Variants in SNCAIP observed in about 807,000 individuals in gnomAD.
SNCAIP encodes synphilin-1.
In SNCAIP, 43 loss-of-function variants were observed where a neutral mutation model predicts 86.7. The observed-to-expected ratio is 0.50, with a 90% CI of 0.39 to 0.64. The LOEUF is 0.64. Ranked by LOEUF, SNCAIP falls within the 30% of genes least tolerant of loss-of-function variation. The probability of loss-of-function intolerance (pLI) is 0.00; values close to 1 mark genes in which losing one functional copy is unlikely to be tolerated. For synonymous variants in SNCAIP, 417 were observed against 427.2 expected, an observed-to-expected ratio of 0.98 and a Z score of 0.29; for missense variants, 981 against 1,103.1, an observed-to-expected ratio of 0.89 and a Z score of 1.57.
chr5:122,381,539 A>G (rs1430371130), intron 1 of SNCAIP, among the ~76,000 whole-genome samples: 2 of 147,238 alleles, frequency 1.4e-5, no homozygotes, highest in Admixed American at 6.8e-5. Context: ...TAGTCCATTT[A>G]CATTTAAAGT....
At chr5:122,313,608 G>A (rs1751106922) in intron 1 of SNCAIP, among the ~76,000 whole-genome samples, 1 of 152,234 alleles carries the variant, frequency 6.6e-6, no homozygotes, top group Admixed American at 6.5e-5. Flanking sequence ...AAAGAACAAG[G>A]TGTAGGAAAG....
Position 122,444,543 on chromosome 5 carries a change from T to C in SNCAIP, c.1423-20T>C, listed in dbSNP as rs758275695. 2 of 1,610,598 alleles carry C rather than the reference T, an allele frequency of 1.2e-6. No homozygotes were observed. Among genetic ancestry groups the C allele is most frequent in the East Asian group, 2.2e-5 (1 of 44,862 alleles). On this transcript the variant is annotated intron_variant, in intron 7 of 10. Transcript: ENST00000261368. ...GTGTACAGAGATGTCCTGATACACA[T>C]GTCCTTCATTTTCTGACAGACCTTG...
At chr5:122,390,260 C>G (rs528511966) in intron 1 of SNCAIP, among the ~76,000 whole-genome samples, 2 of 152,116 alleles carry the variant, frequency 1.3e-5, no homozygotes, top group African/African-American at 2.4e-5. Flanking sequence ...CACACCAAGG[C>G]GCTGTCAGGA....
chr5:122,407,167 TAGAG>T (rs1041966431), intron 3 of SNCAIP, among the ~76,000 whole-genome samples: 10 of 152,114 alleles, frequency 6.6e-5, no homozygotes, highest in African/African-American at 2.2e-4. Context: ...TCACCACAGA[TAGAG>T]AGAAGAGGCA....
chr5:122,343,526 G>T (rs1048932051), intron 1 of SNCAIP, among the ~76,000 whole-genome samples: 2 of 152,238 alleles, frequency 1.3e-5, no homozygotes, highest in Admixed American at 1.3e-4. Context: ...TGCTTTCATG[G>T]ATCACTGAGA....
At chr5:122,451,697 T>G in intron 10 of SNCAIP, 96 bp downstream of exon 10, 10 of 908,556 alleles carry the variant, frequency 1.1e-5, no homozygotes, top group South Asian at 1.6e-5. Flanking sequence ...CTTGAGGGAA[T>G]CCCCAGGAAA....
At chr5:122,413,364 T>G (rs1774547973) in intron 3 of SNCAIP, among the ~76,000 whole-genome samples, 1 of 152,176 alleles carries the variant, frequency 6.6e-6, no homozygotes, top group Non-Finnish European at 1.5e-5. Context: ...CAGATCTTCA[T>G]AAAATTATCT....
intron 3 of SNCAIP, among the ~76,000 whole-genome samples, chr5:122,417,734 C>T (rs1775608239): frequency 6.6e-6 from 1 of 152,010 alleles, no homozygotes; most frequent in Admixed American, 6.6e-5. Context: ...CCTTCCCTCC[C>T]CACCTCCCCT....
intron 1 of SNCAIP, among the ~76,000 whole-genome samples, chr5:122,333,496 A>C (rs1401307941): frequency 6.6e-6 from 1 of 152,236 alleles, no homozygotes; most frequent in African/African-American, 2.4e-5. Context: ...GCTCTGAAGA[A>C]TCTCAGGAAT....
intron 1 of SNCAIP, among the ~76,000 whole-genome samples, chr5:122,355,918 A>G (rs777199334): frequency 8.5e-5 from 13 of 152,152 alleles, no homozygotes; most frequent in Non-Finnish European, 1.5e-4. Flanking sequence ...AACAGCACTT[A>G]TAGTGAGGGA....
intron 1 of SNCAIP, among the ~76,000 whole-genome samples, chr5:122,343,674 C>T (rs1196679449): frequency 1.3e-5 from 2 of 152,206 alleles, no homozygotes; most frequent in Non-Finnish European, 2.9e-5. Flanking sequence ...GACCTCGGTC[C>T]TACTGACCCT....
intron 1 of SNCAIP, among the ~76,000 whole-genome samples, chr5:122,313,901 G>A (rs1203700040): frequency 6.6e-6 from 1 of 152,208 alleles, no homozygotes; most frequent in African/African-American, 2.4e-5. Context: ...GGACACCTCA[G>A]TTAGAAATAA....
intron 10 of SNCAIP, chr5:122,454,340 A>G (rs898921248): frequency 6.6e-6 from 1 of 152,644 alleles, no homozygotes; most frequent in Non-Finnish European, 1.5e-5. Context: ...GGATGCCCCT[A>G]GGGGGCTCAT....
intron 1 of SNCAIP, chr5:122,389,427 C>G (rs763279601): frequency 1.3e-5 from 2 of 152,114 alleles, no homozygotes; most frequent in Non-Finnish European, 2.9e-5. Flanking sequence ...AAGAAAGTCT[C>G]CTAGTGAACA....
Position 122,351,536 on chromosome 5 carries a change from CAAAAAAAAAA to C in SNCAIP, c.-47+39273_-47+39282del, listed in dbSNP as rs541191012. On this transcript the variant is annotated intron_variant, in intron 1 of 10. Coordinates refer to ENST00000261368, the MANE Select transcript of SNCAIP (RefSeq NM_005460.4). ...TGGGCAACAGAGTGAGACTCTGTAT[CAAAAAAAAAA>C]AAAAAAAAAAAAAAAAAAAAGAACT... is the stretch of plus-strand genomic sequence containing the variant. 2.2e-3 allele frequency among the ~76,000 whole-genome samples: 82 copies of C among 36,512 alleles called. 2 individuals are homozygous for C. The highest frequency in any genetic ancestry group is 3.7e-3 in the South Asian group (2 of 540). The allele number at this position is 36,512 out of a possible 152,430, so 24.0% of individuals were successfully genotyped here.
At chr5:122,330,736 T>A (rs2152695255) in intron 1 of SNCAIP, among the ~76,000 whole-genome samples, 1 of 152,186 alleles carries the variant, frequency 6.6e-6, no homozygotes, top group East Asian at 1.9e-4. Flanking sequence ...GGAAGACAAT[T>A]TTTCCATAGT....
intron 1 of SNCAIP, among the ~76,000 whole-genome samples, chr5:122,342,656 A>G (rs145933455): frequency 2.0e-5 from 3 of 152,132 alleles, no homozygotes; most frequent in Non-Finnish European, 4.4e-5. Context: ...GAACTTGCCT[A>G]TGTTATTCTT....
intron 1 of SNCAIP, among the ~76,000 whole-genome samples, chr5:122,390,295 C>T (rs1665332886): frequency 6.6e-6 from 1 of 152,156 alleles, no homozygotes; most frequent in Non-Finnish European, 1.5e-5. Flanking sequence ...CTCTTGACAT[C>T]TGTAGGTGCC....
intron 1 of SNCAIP, among the ~76,000 whole-genome samples, chr5:122,339,907 A>C (rs998433624): frequency 6.6e-6 from 1 of 152,200 alleles, no homozygotes; most frequent in Non-Finnish European, 1.5e-5. Flanking sequence ...AAGATGAATG[A>C]GAATGGAAAA....
Sources: gnomAD v4.1 joint callset for allele counts (sites outside exome capture counted in the v4.1 genomes callset) on GRCh38, gnomAD v4.1.1 for gene constraint, MANE v1.5 for transcripts, NCBI Gene and HGNC (gene_info 2026-07-23, HGNC 2026-07-21) for gene names.